YPEL2: variants seen among roughly 807,000 people sequenced by gnomAD.
The protein encoded by YPEL2 is protein yippee-like 2.
YPEL2 carries 2 observed loss-of-function variants against 19.1 expected under a neutral mutation model. The ratio of observed to expected loss-of-function variants is 0.10; its 90% CI spans 0.04 to 0.33. The LOEUF (loss-of-function observed/expected upper bound fraction) is 0.33, where lower values mean the gene tolerates loss of function less well. Among genes scored for constraint, YPEL2 ranks in the 10% least tolerant of loss-of-function variants. The probability of loss-of-function intolerance (pLI) is 1.00; values close to 1 mark genes in which losing one functional copy is unlikely to be tolerated. For missense variants in YPEL2, 66 were observed against 140.7 expected (o/e 0.47, Z 2.68); for synonymous variants, 52 against 50.0 (o/e 1.04, Z -0.17).
rs759557439 is a variant in YPEL2 at position 59,400,986 on chromosome 17, GTGT to G, written c.*3801_*3803del. ...AGTTTTTACAGACTGTAAAGGAGAT[GTGT>G]TGTTTGTGAAGATGGAGCAGAGTCA... On this transcript the variant is annotated 3_prime_UTR_variant, in exon 5 of 5. Coordinates refer to ENST00000312655, the MANE Select transcript of YPEL2 (RefSeq NM_001005404.4). 30 of 152,590 alleles carry G rather than the reference GTGT, an allele frequency of 2.0e-4. No individual in the cohort carries two copies. Among genetic ancestry groups the G allele is most frequent in the Non-Finnish European group, 3.1e-4 (21 of 68,042 alleles). The allele number at this position is 152,590 out of a possible 1,614,324, so 9.5% of individuals were successfully genotyped here.
At chr17:59,390,498 A>C (rs1406678384) in intron 4 of YPEL2, among the ~76,000 whole-genome samples, 1 of 152,176 alleles carries the variant, frequency 6.6e-6, no homozygotes, top group Non-Finnish European at 1.5e-5. Flanking sequence ...AATGTTCCTA[A>C]AACACCTAGG....
intron 1 of YPEL2, among the ~76,000 whole-genome samples, chr17:59,342,490 CCTT>C (rs1221566950): frequency 2.6e-5 from 4 of 152,106 alleles, no homozygotes; most frequent in Admixed American, 6.5e-5. Flanking sequence ...TTTTCCAAGA[CCTT>C]CTTTTCTTCC....
chr17:59,394,286 C>A (rs2048025529), intron 4 of YPEL2, among the ~76,000 whole-genome samples: 1 of 151,420 alleles, frequency 6.6e-6, no homozygotes, highest in Non-Finnish European at 1.5e-5. Context: ...GGTCTCCTCA[C>A]TTCTCAGATG....
At chr17:59,348,618 G>A (rs1192752837) in intron 1 of YPEL2, among the ~76,000 whole-genome samples, 1 of 152,240 alleles carries the variant, frequency 6.6e-6, no homozygotes, top group Non-Finnish European at 1.5e-5. Flanking sequence ...CTCAGTGAAA[G>A]CTAGCTAGGG....
intron 2 of YPEL2, among the ~76,000 whole-genome samples, chr17:59,382,044 G>GTTGTTCTCCATGGCTGTTTTTCTCAT (rs1567755665): frequency 6.6e-6 from 1 of 152,218 alleles, no homozygotes; most frequent in African/African-American, 2.4e-5. Flanking sequence ...CAAGATGCCT[G>GTTGTTCTCCATGGCTGTTTTTCTCAT]TTGTTCTCCA....
chr17:59,378,957 G>T, intron 2 of YPEL2, among the ~76,000 whole-genome samples: 1 of 152,290 alleles, frequency 6.6e-6, no homozygotes, highest in Middle Eastern at 3.4e-3. Context: ...AAAATCATAA[G>T]CATATACAGT....
At chr17:59,343,888 C>T (rs2047743460) in intron 1 of YPEL2, among the ~76,000 whole-genome samples, 1 of 152,068 alleles carries the variant, frequency 6.6e-6, no homozygotes, top group Non-Finnish European at 1.5e-5. Flanking sequence ...GAAGCTGTCG[C>T]AGTAGTCCAG....
chr17:59,336,630 C>T (rs2047699939), intron 1 of YPEL2, among the ~76,000 whole-genome samples: 1 of 152,128 alleles, frequency 6.6e-6, no homozygotes, highest in Admixed American at 6.5e-5. Context: ...CAGGGGAAAC[C>T]AGGTACAGAG....
chr17:59,352,850 C>T (rs1468703461), intron 1 of YPEL2, among the ~76,000 whole-genome samples: 2 of 152,132 alleles, frequency 1.3e-5, no homozygotes, highest in African/African-American at 4.8e-5. Context: ...TAACCACTCA[C>T]CTTGGTTGGC....
At chr17:59,339,560 T>A (rs927685674) in intron 1 of YPEL2, among the ~76,000 whole-genome samples, 1 of 152,210 alleles carries the variant, frequency 6.6e-6, no homozygotes, top group Admixed American at 6.5e-5. Context: ...GAACTTGACG[T>A]CTTCATTTTG....
chr17:59,347,302 T>C (rs2047761204), intron 1 of YPEL2, among the ~76,000 whole-genome samples: 1 of 152,152 alleles, frequency 6.6e-6, no homozygotes, highest in African/African-American at 2.4e-5. Flanking sequence ...TCCTTTTTTT[T>C]CTTTTTTCTT....
At chr17:59,348,412 G>A (rs2047767893) in intron 1 of YPEL2, among the ~76,000 whole-genome samples, 1 of 152,146 alleles carries the variant, frequency 6.6e-6, no homozygotes, top group African/African-American at 2.4e-5. Context: ...CTCCATCCTG[G>A]TGGCACTCAG....
chr17:59,351,337 T>C (rs1333174637), intron 1 of YPEL2, among the ~76,000 whole-genome samples: 1 of 152,094 alleles, frequency 6.6e-6, no homozygotes, highest in East Asian at 1.9e-4. Context: ...ATCATGCCAC[T>C]GTACTCCAGC....
intron 1 of YPEL2, among the ~76,000 whole-genome samples, chr17:59,343,611 G>A (rs1402113573): frequency 6.6e-6 from 1 of 152,130 alleles, no homozygotes; most frequent in Non-Finnish European, 1.5e-5. Context: ...AGGCATTATA[G>A]GAGCTGGAAT....
chr17:59,392,478 G>A (rs1361365509), intron 4 of YPEL2, among the ~76,000 whole-genome samples: 4 of 147,096 alleles, frequency 2.7e-5, no homozygotes, highest in African/African-American at 7.6e-5. Context: ...ATATGCATCC[G>A]TCACCTCCTA....
intron 2 of YPEL2, among the ~76,000 whole-genome samples, chr17:59,372,014 T>C (rs573831771): frequency 6.6e-6 from 1 of 152,282 alleles, no homozygotes. Flanking sequence ...TAGGAATTAT[T>C]ACATTATGTG....
chr17:59,376,689 C>CATAT (rs2047922541), intron 2 of YPEL2, among the ~76,000 whole-genome samples: 1 of 152,156 alleles, frequency 6.6e-6, no homozygotes. Flanking sequence ...TGGTAGTCAT[C>CATAT]ATATGAGTGT....
intron 2 of YPEL2, among the ~76,000 whole-genome samples, chr17:59,368,940 TAGTC>T (rs772293515): frequency 2.0e-5 from 3 of 152,280 alleles, no homozygotes; most frequent in East Asian, 1.9e-4. Flanking sequence ...TGTTTAAAAA[TAGTC>T]AGGCTGGGTC....
chr17:59,385,955 C>T (rs1194975832), intron 2 of YPEL2, among the ~76,000 whole-genome samples: 15 of 152,186 alleles, frequency 9.9e-5, no homozygotes, highest in Non-Finnish European at 2.2e-4. Context: ...CGCACACCTT[C>T]AGGGAGCTCA....
Sources: allele counts gnomAD v4.1 joint callset (sites outside exome capture counted in the v4.1 genomes callset), GRCh38; gene constraint gnomAD v4.1.1; transcripts MANE v1.5; gene names NCBI Gene and HGNC (gene_info 2026-07-23, HGNC 2026-07-21).